The following CACNB2 variants were observed in gnomAD, a reference collection of about 807,000 sequenced individuals.
CACNB2 encodes the protein calcium voltage-gated channel auxiliary subunit beta 2, also known as voltage-dependent L-type calcium channel subunit beta-2.
Under a neutral mutation model 73.3 loss-of-function variants are expected in CACNB2, and 42 were observed. The ratio of observed to expected loss-of-function variants is 0.57; its 90% CI spans 0.45 to 0.74. CACNB2 has a LOEUF of 0.74. Ranked by LOEUF, CACNB2 falls within the 30% of genes least tolerant of loss-of-function variation. The probability of loss-of-function intolerance (pLI) is 0.00; values close to 1 mark genes in which losing one functional copy is unlikely to be tolerated. For synonymous variants in CACNB2, 348 were observed against 310.3 expected (o/e 1.12, Z -1.28); for missense variants, 940 against 853.0 (o/e 1.10, Z -1.27).
chr10:18,146,211 T>A (rs556359957), intron 1 of CACNB2, among the ~76,000 whole-genome samples: 8 of 152,284 alleles, frequency 5.3e-5, no homozygotes, highest in African/African-American at 1.9e-4. Context: ...TCTGGATAGT[T>A]TTGGCTTTGT....
chr10:18,169,532 T>G (rs905635503), intron 2 of CACNB2, among the ~76,000 whole-genome samples: 1 of 152,194 alleles, frequency 6.6e-6, no homozygotes, highest in Non-Finnish European at 1.5e-5. Context: ...GGGAAAAATA[T>G]TGCTCTCTGA....
intron 3 of CACNB2, 131 bp downstream of exon 3, chr10:18,402,174 A>G (rs1219169766): frequency 2.9e-6 from 3 of 1,019,074 alleles, no homozygotes; most frequent in African/African-American, 3.1e-5. Context: ...AGAAAGGTAC[A>G]AAAAATGGAG....
At chr10:18,154,102 G>C (rs1283533865) in intron 2 of CACNB2, among the ~76,000 whole-genome samples, 1 of 151,862 alleles carries the variant, frequency 6.6e-6, no homozygotes, top group East Asian at 1.9e-4. Flanking sequence ...ATTAAAAATA[G>C]TTCCTATATA....
chr10:18,489,850 C>T (rs949530267), intron 3 of CACNB2, among the ~76,000 whole-genome samples: 2 of 152,130 alleles, frequency 1.3e-5, no homozygotes, highest in African/African-American at 4.8e-5. Context: ...ACTGGAGACA[C>T]AGTGTTGAAC....
chr10:18,440,479 G>T (rs2046359216), intron 3 of CACNB2, among the ~76,000 whole-genome samples: 1 of 151,410 alleles, frequency 6.6e-6, no homozygotes, highest in African/African-American at 2.4e-5. Context: ...AGACCAGATT[G>T]GGCAACATAG....
chr10:18,252,061 GT>G (rs1196900435), intron 2 of CACNB2, among the ~76,000 whole-genome samples: 3 of 152,164 alleles, frequency 2.0e-5, no homozygotes, highest in East Asian at 1.9e-4. Context: ...AAATGCTAAT[GT>G]TTTTTGTCAT....
chr10:18,252,239 A>G (rs189377659), intron 2 of CACNB2, among the ~76,000 whole-genome samples: 39 of 152,258 alleles, frequency 2.6e-4, no homozygotes, highest in Admixed American at 9.2e-4. Context: ...TTCAGAACCC[A>G]CTGGGGCATT....
intron 2 of CACNB2, among the ~76,000 whole-genome samples, chr10:18,354,848 T>C (rs1227465458): frequency 1.3e-5 from 2 of 152,200 alleles, no homozygotes; most frequent in African/African-American, 2.4e-5. Flanking sequence ...GTGTGGTTTC[T>C]TTCTTCAAAG....
chr10:18,282,639 G>A (rs1480032525), intron 2 of CACNB2, among the ~76,000 whole-genome samples: 1 of 152,210 alleles, frequency 6.6e-6, no homozygotes, highest in Non-Finnish European at 1.5e-5. Flanking sequence ...TATTCAATTT[G>A]TTGGGAAACA....
chr10:18,515,965 C>A (rs2051234339), intron 7 of CACNB2, among the ~76,000 whole-genome samples: 1 of 152,154 alleles, frequency 6.6e-6, no homozygotes, highest in African/African-American at 2.4e-5. Flanking sequence ...GTAATCCCAG[C>A]CCTTTAGGAG....
chr10:18,155,615 A>C (rs1334843466), intron 2 of CACNB2, among the ~76,000 whole-genome samples: 1 of 152,192 alleles, frequency 6.6e-6, no homozygotes, highest in Non-Finnish European at 1.5e-5. Flanking sequence ...TGTTCAGCTA[A>C]AGTAAACATC....
chr10:18,522,107 G>A (rs1045327682), intron 9 of CACNB2, among the ~76,000 whole-genome samples: 6 of 152,030 alleles, frequency 3.9e-5, no homozygotes, highest in Admixed American at 6.6e-5. Flanking sequence ...CTCTGCATGC[G>A]AGGGATCTAG....
intron 2 of CACNB2, among the ~76,000 whole-genome samples, chr10:18,358,541 TCTCTCTCTCTCG>T (rs1289196741): frequency 0.041 from 1,347 of 32,594 alleles, 73 homozygotes; most frequent in South Asian, 0.079. Flanking sequence ...TCTCTCTCTC[TCTCTCTCTCTCG>T]CTCTCTCTCT....
intron 3 of CACNB2, among the ~76,000 whole-genome samples, chr10:18,404,407 T>C (rs1313878252): frequency 6.6e-6 from 1 of 152,228 alleles, no homozygotes; most frequent in Non-Finnish European, 1.5e-5. Flanking sequence ...ACCTCATTCT[T>C]TGCCAGAATT....
At chr10:18,194,246 T>C (rs1340813523) in intron 2 of CACNB2, among the ~76,000 whole-genome samples, 9 of 152,146 alleles carry the variant, frequency 5.9e-5, no homozygotes, top group Non-Finnish European at 1.5e-5. Context: ...CACTAAGATG[T>C]CTTTGCAGTT....
intron 2 of CACNB2, among the ~76,000 whole-genome samples, chr10:18,215,201 G>A (rs2035466579): frequency 6.6e-6 from 1 of 152,144 alleles, no homozygotes; most frequent in South Asian, 2.1e-4. Flanking sequence ...TGAAGACAGT[G>A]TGTTTATTTC....
chr10:18,418,760 G>A (rs946119986), intron 3 of CACNB2, among the ~76,000 whole-genome samples: 2 of 152,148 alleles, frequency 1.3e-5, no homozygotes, highest in Non-Finnish European at 2.9e-5. Flanking sequence ...GGGCATCAGG[G>A]CGTCAGTTCT....
intron 2 of CACNB2, among the ~76,000 whole-genome samples, chr10:18,333,454 AC>A (rs756087864): frequency 4.6e-5 from 7 of 151,620 alleles, no homozygotes; most frequent in Admixed American, 1.3e-4. Flanking sequence ...AAAAAAAAAA[AC>A]CTGTTAGAGA....
intron 3 of CACNB2, among the ~76,000 whole-genome samples, chr10:18,487,785 A>T (rs2132904353): frequency 6.6e-6 from 1 of 152,030 alleles, no homozygotes; most frequent in South Asian, 2.1e-4. Flanking sequence ...CAGTGAGCCA[A>T]GATCCTGCCA....
Sources: allele counts gnomAD v4.1 joint callset (sites outside exome capture counted in the v4.1 genomes callset), GRCh38; gene constraint gnomAD v4.1.1; transcripts MANE v1.5; gene names NCBI Gene and HGNC (gene_info 2026-07-23, HGNC 2026-07-21).